Variants in RNF175 observed in about 807,000 individuals in gnomAD.
RNF175 encodes ring finger protein 175.
A neutral mutation model predicts 50.0 loss-of-function variants in RNF175; 38 were observed. That is an observed-to-expected ratio of 0.76 (90% CI 0.59 to 1.00). The LOEUF (loss-of-function observed/expected upper bound fraction) is 1.00, where lower values mean the gene tolerates loss of function less well. RNF175 is among the 50% of genes least tolerant of loss of function. RNF175 has a pLI of 0.00. For missense variants in RNF175, 388 were observed against 409.6 expected (o/e 0.95, Z 0.46); for synonymous variants, 155 against 146.1 (o/e 1.06, Z -0.44).
intron 4 of RNF175, among the ~76,000 whole-genome samples, chr4:153,724,413 G>A (rs921468203): frequency 1.4e-4 from 21 of 152,200 alleles, no homozygotes; most frequent in African/African-American, 4.6e-4. Context: ...TGAAGAGGTG[G>A]CTAGAAAGCT....
intron 4 of RNF175, among the ~76,000 whole-genome samples, chr4:153,726,387 G>T (rs774185073): frequency 1.3e-5 from 2 of 152,198 alleles, no homozygotes; most frequent in Non-Finnish European, 2.9e-5. Flanking sequence ...TTACAGGCGT[G>T]AGCCATTGCA....
At chr4:153,739,278 G>A (rs1424820934) in intron 3 of RNF175, among the ~76,000 whole-genome samples, 4 of 152,024 alleles carry the variant, frequency 2.6e-5, no homozygotes, top group African/African-American at 9.7e-5. Context: ...AAAATTAGCT[G>A]GGTGTTGGGG....
chr4:153,719,181 C>G (rs1428223858), intron 6 of RNF175, among the ~76,000 whole-genome samples: 2 of 152,178 alleles, frequency 1.3e-5, no homozygotes, highest in African/African-American at 4.8e-5. Flanking sequence ...GTTCAGCTCC[C>G]ATGTACAAGT....
At chr4:153,716,771 T>A (rs1737960018) in intron 6 of RNF175, among the ~76,000 whole-genome samples, 4 of 152,208 alleles carry the variant, frequency 2.6e-5, no homozygotes, top group Admixed American at 2.6e-4. Flanking sequence ...AAGATTGATG[T>A]TGCAGTCTTG....
chr4:153,741,708 T>C (rs1488524416), intron 3 of RNF175, among the ~76,000 whole-genome samples: 4 of 152,230 alleles, frequency 2.6e-5, no homozygotes, highest in Non-Finnish European at 5.9e-5. Context: ...TTTTTATATG[T>C]TGGAGCTGAA....
intron 3 of RNF175, among the ~76,000 whole-genome samples, chr4:153,734,218 C>A (rs138761259): frequency 6.6e-6 from 1 of 152,112 alleles, no homozygotes; most frequent in Non-Finnish European, 1.5e-5. Context: ...GGGTAAATAC[C>A]CGGTAGAGTG....
intron 3 of RNF175, among the ~76,000 whole-genome samples, chr4:153,735,995 C>T (rs1388367296): frequency 1.3e-5 from 2 of 152,160 alleles, no homozygotes; most frequent in African/African-American, 4.8e-5. Flanking sequence ...GCAAGGACTT[C>T]CTGCACAATG....
chr4:153,715,221 A>G, intron 7 of RNF175: 1 of 408,942 alleles, frequency 2.4e-6, no homozygotes, highest in South Asian at 2.1e-5. Flanking sequence ...TTTGTTGGCT[A>G]TCTGCTCACT....
At chr4:153,714,483 T>G (rs1042925939) in intron 7 of RNF175, 3 of 152,210 alleles carry the variant, frequency 2.0e-5, no homozygotes, top group African/African-American at 4.8e-5. Flanking sequence ...GAGGTATGAC[T>G]GACTAAATTA....
intron 2 of RNF175, among the ~76,000 whole-genome samples, chr4:153,750,436 C>T (rs1740224262): frequency 6.6e-6 from 1 of 152,078 alleles, no homozygotes; most frequent in Admixed American, 6.5e-5. Flanking sequence ...AGAAATCAGC[C>T]CACAGAGCCC....
chr4:153,732,608 T>C (rs1739105510), intron 3 of RNF175, among the ~76,000 whole-genome samples: 1 of 152,184 alleles, frequency 6.6e-6, no homozygotes, highest in Non-Finnish European at 1.5e-5. Context: ...TAATAGTGTG[T>C]CTGAAACCCA....
Position 153,751,474 on chromosome 4 carries a change from A to C in RNF175, c.68T>G (p.Leu23Arg). The C allele has an allele frequency of 1.3e-6, 2 of 1,556,364 alleles. No homozygotes were observed. Among genetic ancestry groups the C allele is most frequent in the Non-Finnish European group, 1.7e-6 (2 of 1,150,008 alleles). ...TTCTGCAGAAAGCTTTGTATGAGAG[A>C]GCTGAAAAACATAAAAAGGGCCCTT... Reference protein sequence around the residue: ...VLEAPPQQEQLSHTKLSAEDT... With the variant: ...VLEAPPQQEQRSHTKLSAEDT... The change falls in exon 2 of 9, where the codon CTC becomes CGC. Residue 23 changes from leucine (L) to arginine (R), a missense_variant and splice_region_variant. By Grantham distance (102) the Leu-to-Arg change is moderately radical. Transcript: ENST00000347063.
intron 6 of RNF175, among the ~76,000 whole-genome samples, chr4:153,716,918 T>C (rs766910752): frequency 4.6e-5 from 7 of 152,238 alleles, no homozygotes; most frequent in Non-Finnish European, 8.8e-5. Context: ...TAATCATATC[T>C]GCAAAATACC....
chr4:153,732,297 T>G (rs1381688641), intron 3 of RNF175, among the ~76,000 whole-genome samples: 1 of 152,058 alleles, frequency 6.6e-6, no homozygotes, highest in Non-Finnish European at 1.5e-5. Flanking sequence ...AAATGGAATA[T>G]TGGCATACAA....
chr4:153,752,605 G>A (rs559700150), intron 1 of RNF175, among the ~76,000 whole-genome samples: 4 of 152,288 alleles, frequency 2.6e-5, no homozygotes, highest in East Asian at 1.9e-4. Flanking sequence ...GGGTAAACAT[G>A]TTTATAATTC....
chr4:153,718,546 T>C (rs1053601965), intron 6 of RNF175, among the ~76,000 whole-genome samples: 1 of 152,130 alleles, frequency 6.6e-6, no homozygotes, highest in Admixed American at 6.5e-5. Flanking sequence ...CAAAAGCTGG[T>C]GCTTAAAGAC....
chr4:153,755,623 T>C (rs1481972071), intron 1 of RNF175, among the ~76,000 whole-genome samples: 2 of 149,378 alleles, frequency 1.3e-5, no homozygotes, highest in Non-Finnish European at 3.0e-5. Context: ...AATATAAGAA[T>C]ATTAGTGAAT....
Position 153,748,790 on chromosome 4 carries a change from G to C in RNF175, c.105-4C>G. 6.2e-7 allele frequency: 1 copy of C among 1,609,418 alleles called. No individual in the cohort carries two copies. The highest frequency in any genetic ancestry group is 8.5e-7 in the Non-Finnish European group (1 of 1,177,816). Reference sequence around the variant, plus strand: ...GTACATCCTCTCCTGCTGCAGGCTGGAACCAGCAAAATGAGGTCATCTGAA... The same window carrying C: ...GTACATCCTCTCCTGCTGCAGGCTGCAACCAGCAAAATGAGGTCATCTGAA... On this transcript the variant is annotated splice_region_variant and splice_polypyrimidine_tract_variant and intron_variant, in intron 2 of 8. Coordinates refer to ENST00000347063, the MANE Select transcript of RNF175 (RefSeq NM_173662.4).
At chr4:153,731,123 A>C (rs1739009623) in intron 3 of RNF175, among the ~76,000 whole-genome samples, 1 of 152,248 alleles carries the variant, frequency 6.6e-6, no homozygotes, top group Non-Finnish European at 1.5e-5. Flanking sequence ...AAAGTTCAGT[A>C]ATTTGCTCTG....
Sources: allele counts gnomAD v4.1 joint callset (sites outside exome capture counted in the v4.1 genomes callset), GRCh38; gene constraint gnomAD v4.1.1; transcripts MANE v1.5; gene names NCBI Gene and HGNC (gene_info 2026-07-23, HGNC 2026-07-21).